SLC38A9: variants seen among roughly 807,000 people sequenced by gnomAD.
SLC38A9 encodes neutral amino acid transporter 9.
SLC38A9 carries 48 observed loss-of-function variants against 62.3 expected under a neutral mutation model. That is an observed-to-expected ratio of 0.77 (90% CI 0.61 to 0.98). The LOEUF (loss-of-function observed/expected upper bound fraction) is 0.98, where lower values mean the gene tolerates loss of function less well. Ranked by LOEUF, SLC38A9 falls within the 50% of genes least tolerant of loss-of-function variation. The pLI is 0.00. For missense variants in SLC38A9, 541 were observed against 679.8 expected, an observed-to-expected ratio of 0.80 and a Z score of 2.27; for synonymous variants, 204 against 227.7, an observed-to-expected ratio of 0.90 and a Z score of 0.94.
chr5:55,633,000 C>T (rs1743760748), intron 14 of SLC38A9, among the ~76,000 whole-genome samples: 1 of 151,422 alleles, frequency 6.6e-6, no homozygotes, highest in Admixed American at 6.6e-5. Flanking sequence ...CATTTATATG[C>T]CTTTTCTCCT....
chr5:55,655,883 T>C (rs907908500), intron 9 of SLC38A9, among the ~76,000 whole-genome samples: 1 of 152,176 alleles, frequency 6.6e-6, no homozygotes, highest in Non-Finnish European at 1.5e-5. Context: ...ATATTCACTT[T>C]CCCTGTAACG....
At chr5:55,661,935 TGAG>T (rs2150279899) in intron 8 of SLC38A9, among the ~76,000 whole-genome samples, 1 of 152,058 alleles carries the variant, frequency 6.6e-6, no homozygotes, top group East Asian at 1.9e-4. Flanking sequence ...CCACTCCTTA[TGAG>T]GAGAAATGCA....
chr5:55,655,400 T>C (rs938818493), intron 9 of SLC38A9, among the ~76,000 whole-genome samples: 4 of 152,182 alleles, frequency 2.6e-5, no homozygotes, highest in African/African-American at 9.7e-5. Flanking sequence ...TCAATTAATA[T>C]CAGAATAGGT....
intron 3 of SLC38A9, among the ~76,000 whole-genome samples, chr5:55,689,956 G>C (rs1431198154): frequency 6.6e-6 from 1 of 152,046 alleles, no homozygotes; most frequent in Non-Finnish European, 1.5e-5. Flanking sequence ...AATTAGAACA[G>C]ATTGATCTAG....
At chr5:55,662,232 GA>G (rs1749701226) in intron 8 of SLC38A9, among the ~76,000 whole-genome samples, 2 of 152,180 alleles carry the variant, frequency 1.3e-5, no homozygotes, top group Admixed American at 1.3e-4. Flanking sequence ...CACAATAAGT[GA>G]AAACAAATTA....
intron 3 of SLC38A9, among the ~76,000 whole-genome samples, chr5:55,687,720 A>G (rs1435705438): frequency 6.6e-6 from 1 of 152,030 alleles, no homozygotes; most frequent in East Asian, 1.9e-4. Context: ...ATTTATTTTG[A>G]GACAGAGTCT....
At chr5:55,648,354 G>A (rs1746765729) in intron 11 of SLC38A9, among the ~76,000 whole-genome samples, 1 of 152,118 alleles carries the variant, frequency 6.6e-6, no homozygotes, top group Admixed American at 6.5e-5. Flanking sequence ...GCATGTACAA[G>A]TTTTTGTGTG....
chr5:55,651,071 G>A (rs11748600), intron 10 of SLC38A9, among the ~76,000 whole-genome samples: 89,518 of 150,906 alleles, frequency 0.59, 27,155 homozygotes, highest in South Asian at 0.7. Context: ...GATTACAGGC[G>A]TGAGCCACCG....
chr5:55,710,897 C>T (rs1489660459), intron 2 of SLC38A9, among the ~76,000 whole-genome samples: 2 of 151,284 alleles, frequency 1.3e-5, no homozygotes, highest in East Asian at 2.0e-4. Context: ...GGATTACAGG[C>T]GTGAGCCACG....
intron 2 of SLC38A9, among the ~76,000 whole-genome samples, chr5:55,699,179 C>T (rs567403024): frequency 6.6e-6 from 1 of 152,216 alleles, no homozygotes; most frequent in South Asian, 2.1e-4. Context: ...AGCTTGAACC[C>T]AGGAGGTGGA....
chr5:55,705,740 C>T (rs2150714761), intron 2 of SLC38A9, among the ~76,000 whole-genome samples: 1 of 149,506 alleles, frequency 6.7e-6, no homozygotes, highest in East Asian at 2.0e-4. Context: ...CGGAGTCTCG[C>T]TCTGTCACCC....
chr5:55,627,913 G>T lies in SLC38A9; in HGVS notation c.1498C>A (p.Pro500Thr). 2 of 1,610,674 alleles carry T rather than the reference G, an allele frequency of 1.2e-6. No individual in the cohort carries two copies. Among genetic ancestry groups the T allele is most frequent in the Non-Finnish European group, 1.7e-6 (2 of 1,177,432 alleles). Residue 500 changes from proline to threonine, a missense_variant, in exon 15 of 16, where the codon CCA becomes ACA. Coordinates refer to ENST00000396865, the MANE Select transcript of SLC38A9 (RefSeq NM_173514.4). ...TACCTTATGATCCCTCCTATGTTTG[G>T]GTAGAAACAGGCCATGATCACTCCA... ...GAGVIMACFY[P>T]NIGGIIRYSG... is the part of the protein sequence containing the mutation.
At chr5:55,697,710 C>T (rs187774317) in intron 3 of SLC38A9, 136 bp downstream of exon 3, 68 of 400,808 alleles carry the variant, frequency 1.7e-4, no homozygotes, top group African/African-American at 1.4e-3. Context: ...ATTTACTTCT[C>T]TCCACATGTA....
chr5:55,686,958 C>T (rs968779599), intron 3 of SLC38A9, among the ~76,000 whole-genome samples: 8 of 151,826 alleles, frequency 5.3e-5, no homozygotes, highest in Non-Finnish European at 7.4e-5. Flanking sequence ...GTTCTCTATC[C>T]TGTTCCATTG....
At chr5:55,695,830 C>T (rs1172130907) in intron 3 of SLC38A9, among the ~76,000 whole-genome samples, 550 of 54,864 alleles carry the variant, frequency 0.01, 1 homozygote, top group Middle Eastern at 0.019. Context: ...CTCCTCACTT[C>T]CCAGTAGGGG....
At chr5:55,658,976 TA>T (rs1748970454) in intron 8 of SLC38A9, among the ~76,000 whole-genome samples, 1 of 152,232 alleles carries the variant, frequency 6.6e-6, no homozygotes, top group Non-Finnish European at 1.5e-5. Context: ...TAATTCATCA[TA>T]TTGATAAAGG....
At chr5:55,657,055 G>T (rs1421048840) in intron 8 of SLC38A9, among the ~76,000 whole-genome samples, 2 of 151,958 alleles carry the variant, frequency 1.3e-5, no homozygotes, top group African/African-American at 4.8e-5. Context: ...GTAGAAACAG[G>T]TTTCACCGTG....
chr5:55,695,873 TG>T (rs1167887192), intron 3 of SLC38A9: 1 of 59,978 alleles, frequency 1.7e-5, no homozygotes, highest in Non-Finnish European at 4.0e-5. Context: ...ACCTCCCGGA[TG>T]GGGCGGCTGG....
intron 10 of SLC38A9, among the ~76,000 whole-genome samples, chr5:55,651,581 G>T (rs192283477): frequency 2.9e-4 from 44 of 152,030 alleles, no homozygotes; most frequent in African/African-American, 1.1e-3. Context: ...AAAAACATTC[G>T]TTTAGTGGTT....
Sources: allele counts gnomAD v4.1 joint callset (sites outside exome capture counted in the v4.1 genomes callset), GRCh38; gene constraint gnomAD v4.1.1; transcripts MANE v1.5; gene names NCBI Gene and HGNC (gene_info 2026-07-23, HGNC 2026-07-21).